Variants in DCDC1 observed in about 807,000 individuals in gnomAD.
DCDC1 encodes doublecortin domain containing 1.
A neutral mutation model predicts 178.3 loss-of-function variants in DCDC1; 200 were observed. The ratio of observed to expected loss-of-function variants is 1.12; its 90% CI spans 1.00 to 1.26. The LOEUF (loss-of-function observed/expected upper bound fraction) is 1.26. DCDC1 is among the 50% of genes most tolerant of loss of function. The probability of loss-of-function intolerance (pLI) is 0.00; values close to 1 mark genes in which losing one functional copy is unlikely to be tolerated. For synonymous variants in DCDC1, 690 were observed against 604.8 expected (o/e 1.14, Z -2.07); for missense variants, 1,983 against 1,749.2 (o/e 1.13, Z -2.38).
chr11:31,167,426 C>T (rs1006580595), intron 9 of DCDC1, among the ~76,000 whole-genome samples: 10 of 151,788 alleles, frequency 6.6e-5, no homozygotes, highest in African/African-American at 2.4e-4. Context: ...TTCTTTTTTC[C>T]CTTGCCCTTT....
intron 9 of DCDC1, among the ~76,000 whole-genome samples, chr11:31,240,250 A>T (rs1032172735): frequency 6.6e-6 from 1 of 152,046 alleles, no homozygotes; most frequent in African/African-American, 2.4e-5. Context: ...AAAATATTTT[A>T]TACTAGTTTC....
intron 9 of DCDC1, among the ~76,000 whole-genome samples, chr11:31,185,175 T>A (rs1219893683): frequency 6.6e-6 from 1 of 152,098 alleles, no homozygotes; most frequent in African/African-American, 2.4e-5. Context: ...AATCAAACAC[T>A]GCGTGTTCTC....
intron 21 of DCDC1, among the ~76,000 whole-genome samples, chr11:30,932,787 A>T (rs1179922779): frequency 8.5e-5 from 13 of 152,160 alleles, no homozygotes; most frequent in Admixed American, 8.5e-4. Context: ...AGAGGGATAG[A>T]GTAGGTTTAT....
chr11:30,956,985 T>C (rs557959071), intron 20 of DCDC1, among the ~76,000 whole-genome samples: 15 of 152,178 alleles, frequency 9.9e-5, no homozygotes, highest in African/African-American at 2.9e-4. Flanking sequence ...ACTGAGAAAA[T>C]AGAAGTGGTC....
At chr11:30,905,365 T>C (rs1944986864) in intron 30 of DCDC1, among the ~76,000 whole-genome samples, 1 of 152,230 alleles carries the variant, frequency 6.6e-6, no homozygotes, top group Non-Finnish European at 1.5e-5. Flanking sequence ...GGCCTGTCAC[T>C]GAGTCACTAG....
At chr11:31,138,260 G>T (rs1963402311) in intron 9 of DCDC1, among the ~76,000 whole-genome samples, 1 of 152,108 alleles carries the variant, frequency 6.6e-6, no homozygotes, top group South Asian at 2.1e-4. Context: ...CATGACAAAG[G>T]ATCATGTATC....
intron 20 of DCDC1, among the ~76,000 whole-genome samples, chr11:30,976,381 C>T (rs1950103053): frequency 6.6e-6 from 1 of 151,910 alleles, no homozygotes; most frequent in African/African-American, 2.4e-5. Flanking sequence ...AAACAATCAA[C>T]AAAGTAAAAA....
chr11:31,039,587 T>C (rs1402917957), intron 20 of DCDC1, among the ~76,000 whole-genome samples: 1 of 152,166 alleles, frequency 6.6e-6, no homozygotes, highest in African/African-American at 2.4e-5. Context: ...TTCAGTATTA[T>C]TTTTAAAGAG....
In DCDC1 at chr11:31,315,646, C is replaced by CTTTT. The variant is rs59083470; in HGVS notation, c.165-7742_165-7739dup. On this transcript the variant is annotated intron_variant, in intron 3 of 38. Transcript: ENST00000684477. ...CCACCATGCCCGGCCATCTGCATAC[C>CTTTT]TTTTTTTTTTTTTTTTTTTTTATTA... Among the ~76,000 whole-genome samples the CTTTT allele has an allele frequency of 2.1e-3, 238 of 112,402 alleles. 1 individual carries two copies. The highest frequency in any genetic ancestry group is 4.8e-3 in the African/African-American group (130 of 27,102). 73.7% of individuals were successfully genotyped at this position (112,402 alleles called of 152,430 possible). A position where few individuals can be genotyped will look rare whatever the true frequency, so the allele number is the denominator to read the frequency against.
intron 20 of DCDC1, among the ~76,000 whole-genome samples, chr11:31,059,866 T>A (rs1436765843): frequency 1.3e-5 from 2 of 152,074 alleles, no homozygotes; most frequent in Non-Finnish European, 2.9e-5. Flanking sequence ...AATCAGAATG[T>A]AATTCAATTT....
intron 9 of DCDC1, among the ~76,000 whole-genome samples, chr11:31,222,615 T>C (rs1565459362): frequency 2.6e-5 from 4 of 152,152 alleles, no homozygotes; most frequent in Admixed American, 2.0e-4. Context: ...GGAAATTTAT[T>C]TTCTCAGAGC....
intron 20 of DCDC1, among the ~76,000 whole-genome samples, chr11:30,955,319 C>T (rs1206736841): frequency 1.3e-5 from 2 of 152,310 alleles, no homozygotes; most frequent in South Asian, 2.1e-4. Context: ...ACCTACTTCA[C>T]TTCCTAGTTG....
At chr11:30,869,939 A>T (rs1941379127) in intron 38 of DCDC1, among the ~76,000 whole-genome samples, 1 of 152,152 alleles carries the variant, frequency 6.6e-6, no homozygotes, top group Non-Finnish European at 1.5e-5. Context: ...TCTGGCTACA[A>T]CTTTGACAAA....
At chr11:31,216,774 A>G (rs1288177554) in intron 9 of DCDC1, among the ~76,000 whole-genome samples, 1 of 152,090 alleles carries the variant, frequency 6.6e-6, no homozygotes, top group Non-Finnish European at 1.5e-5. Flanking sequence ...GTGGCCTTCA[A>G]TTTTAAAAGA....
rs373248467 is a variant in DCDC1, at chr11:30,965,734, A to G, written c.2592-13166T>C. Reference sequence around the variant, plus strand: ...TCATCTAGCATTAGGTATATCTCCCAATGCTATCCCTTCCCCCTCCCCCGA... The same window carrying G: ...TCATCTAGCATTAGGTATATCTCCCGATGCTATCCCTTCCCCCTCCCCCGA... On this transcript the variant is annotated intron_variant, in intron 20 of 38. Coordinates refer to ENST00000684477, the MANE Select transcript of DCDC1 (RefSeq NM_001387274.1). Among the ~76,000 whole-genome samples the G allele has an allele frequency of 4.5e-3, 632 of 139,152 alleles. 3 individuals carry two copies. Among genetic ancestry groups the G allele is most frequent in the African/African-American group, 0.017 (606 of 36,122 alleles). 91.3% of individuals were successfully genotyped at this position (139,152 alleles called of 152,430 possible).
intron 1 of DCDC1, 49 bp from the exon 2 acceptor site, chr11:31,335,613 C>T (rs1950231456): frequency 6.6e-6 from 1 of 152,108 alleles, no homozygotes; most frequent in Non-Finnish European, 1.5e-5. Context: ...ACCAAAAGAC[C>T]AAAACAATGT....
chr11:31,272,696 A>G (rs903207204), intron 7 of DCDC1, among the ~76,000 whole-genome samples: 1 of 152,204 alleles, frequency 6.6e-6, no homozygotes, highest in Non-Finnish European at 1.5e-5. Context: ...TCTCACATAC[A>G]GGTCATGCTG....
chr11:31,112,441 A>G (rs1591085226), intron 11 of DCDC1, among the ~76,000 whole-genome samples: 1 of 152,226 alleles, frequency 6.6e-6, no homozygotes, highest in East Asian at 1.9e-4. Flanking sequence ...TTCCTGCCCA[A>G]TTCTTGGCTT....
At chr11:31,071,429 AT>A (rs551457838) in intron 18 of DCDC1, among the ~76,000 whole-genome samples, 1 of 152,116 alleles carries the variant, frequency 6.6e-6, no homozygotes, top group Admixed American at 6.6e-5. Flanking sequence ...AGGAATATGC[AT>A]TTTTTAAGGA....
Sources: gnomAD v4.1 joint callset for allele counts (sites outside exome capture counted in the v4.1 genomes callset) on GRCh38, gnomAD v4.1.1 for gene constraint, MANE v1.5 for transcripts, NCBI Gene and HGNC (gene_info 2026-07-23, HGNC 2026-07-21) for gene names.